The following UBE2E3 variants were observed in gnomAD, a reference collection of about 807,000 sequenced individuals.
UBE2E3 encodes the protein ubiquitin conjugating enzyme E2 E3, also known as ubiquitin-conjugating enzyme E2 E3.
In UBE2E3, 5 loss-of-function variants were observed where a neutral mutation model predicts 23.6. That is an observed-to-expected ratio of 0.21 (90% CI 0.11 to 0.44). The LOEUF is 0.44. Ranked by LOEUF, UBE2E3 falls within the 20% of genes least tolerant of loss-of-function variation. The probability of loss-of-function intolerance (pLI) is 0.99; values close to 1 mark genes in which losing one functional copy is unlikely to be tolerated. For missense variants in UBE2E3, 81 were observed against 249.8 expected, an observed-to-expected ratio of 0.32 and a Z score of 4.55; for synonymous variants, 78 against 87.5, an observed-to-expected ratio of 0.89 and a Z score of 0.60.
At chr2:181,000,241 A>T (rs1326440230) in intron 3 of UBE2E3, among the ~76,000 whole-genome samples, 2 of 152,244 alleles carry the variant, frequency 1.3e-5, no homozygotes, top group Non-Finnish European at 2.9e-5. Context: ...TTTCTACAAC[A>T]TGGGGTTAAG....
At chr2:181,038,581 A>G (rs1686374234) in intron 3 of UBE2E3, among the ~76,000 whole-genome samples, 1 of 152,240 alleles carries the variant, frequency 6.6e-6, no homozygotes, top group Admixed American at 6.5e-5. Context: ...TCTTAGGACA[A>G]AAGCAAGAAA....
At chr2:180,986,563 G>C (rs139521543) in intron 3 of UBE2E3, among the ~76,000 whole-genome samples, 1,720 of 152,148 alleles carry the variant, frequency 0.011, 32 homozygotes, top group African/African-American at 0.039. Context: ...GAGAATTTTA[G>C]CTTTACGGTG....
intron 3 of UBE2E3, among the ~76,000 whole-genome samples, chr2:180,985,466 AT>A (rs1250442695): frequency 6.6e-6 from 1 of 152,168 alleles, no homozygotes; most frequent in African/African-American, 2.4e-5. Flanking sequence ...TTTTGGATAT[AT>A]TTGGCTATAT....
intron 3 of UBE2E3, among the ~76,000 whole-genome samples, chr2:181,038,377 A>G (rs1407199202): frequency 6.6e-6 from 1 of 152,174 alleles, no homozygotes; most frequent in African/African-American, 2.4e-5. Context: ...ATACGCTATG[A>G]TGTTTGAAAA....
At chr2:181,061,638 C>T (rs13395974) in intron 5 of UBE2E3, among the ~76,000 whole-genome samples, 242 of 151,562 alleles carry the variant, frequency 1.6e-3, no homozygotes, top group African/African-American at 5.4e-3. Flanking sequence ...ATTATATAAC[C>T]TCAGATAAAA....
chr2:181,002,403 T>C (rs965315721), intron 3 of UBE2E3, among the ~76,000 whole-genome samples: 4 of 152,200 alleles, frequency 2.6e-5, no homozygotes, highest in African/African-American at 9.6e-5. Context: ...ATGTTTAAGC[T>C]GGCAGATACC....
intron 3 of UBE2E3, among the ~76,000 whole-genome samples, chr2:181,037,589 A>AT: frequency 6.6e-6 from 1 of 152,286 alleles, no homozygotes; most frequent in Non-Finnish European, 1.5e-5. Context: ...AAAGGAAAAT[A>AT]TTTTTGTACA....
intron 3 of UBE2E3, among the ~76,000 whole-genome samples, chr2:181,025,600 G>A (rs971733883): frequency 9.9e-5 from 15 of 151,768 alleles, no homozygotes; most frequent in Admixed American, 2.0e-4. Context: ...ACATTTAAAT[G>A]ACCATCGTCC....
At chr2:181,030,005 T>A (rs1483494237) in intron 3 of UBE2E3, among the ~76,000 whole-genome samples, 1 of 152,026 alleles carries the variant, frequency 6.6e-6, no homozygotes. Context: ...GGCTAATTTT[T>A]GTATTTTTAG....
At chr2:181,040,809 C>T (rs961037040) in intron 3 of UBE2E3, among the ~76,000 whole-genome samples, 1 of 152,062 alleles carries the variant, frequency 6.6e-6, no homozygotes, top group African/African-American at 2.4e-5. Context: ...AATCATTCTC[C>T]TTGCTGTCAT....
chr2:181,036,737 T>C (rs943419972), intron 3 of UBE2E3, among the ~76,000 whole-genome samples: 5 of 152,228 alleles, frequency 3.3e-5, no homozygotes, highest in African/African-American at 1.2e-4. Context: ...TAACTTGTTT[T>C]TTATTAACTT....
At chr2:180,980,550 A>T (rs1684235692), upstream of UBE2E3, 2 of 147,490 alleles carry the variant, frequency 1.4e-5, no homozygotes, top group Admixed American at 1.3e-4. This position sits in a 1 kb window ranked among gnomAD's most constrained non-coding sequence, Gnocchi z 5.5. Flanking sequence ...CCGCCAGGCA[A>T]GCAGCGAGCA....
At chr2:180,981,763 CAATT>C (rs1684299991) in intron 1 of UBE2E3, among the ~76,000 whole-genome samples, 1 of 152,196 alleles carries the variant, frequency 6.6e-6, no homozygotes, top group Admixed American at 6.5e-5. Context: ...AGAAAGTAGA[CAATT>C]GATAGATTGT....
intron 3 of UBE2E3, among the ~76,000 whole-genome samples, chr2:181,011,878 A>G (rs1434547300): frequency 6.6e-6 from 1 of 152,182 alleles, no homozygotes; most frequent in Non-Finnish European, 1.5e-5. Context: ...CAGTTACTTA[A>G]TTTCACTTTA....
chr2:181,041,127 A>C (rs1029712732), intron 3 of UBE2E3, among the ~76,000 whole-genome samples: 3 of 148,442 alleles, frequency 2.0e-5, no homozygotes, highest in African/African-American at 7.4e-5. Flanking sequence ...ACGTGCCTGT[A>C]GTCCCAGCTA....
intron 2 of UBE2E3, among the ~76,000 whole-genome samples, chr2:180,983,741 T>A (rs1324323793): frequency 1.3e-5 from 2 of 152,230 alleles, no homozygotes; most frequent in African/African-American, 2.4e-5. Context: ...AGAATTTCTT[T>A]GGTAAAAAGT....
chr2:181,033,346 A>T (rs890729559), intron 3 of UBE2E3, among the ~76,000 whole-genome samples: 7 of 152,202 alleles, frequency 4.6e-5, no homozygotes, highest in Non-Finnish European at 7.3e-5. Context: ...AGACCAATGG[A>T]ACAGAACAGA....
At chr2:180,999,797 C>T (rs372168905) in intron 3 of UBE2E3, among the ~76,000 whole-genome samples, 1 of 152,150 alleles carries the variant, frequency 6.6e-6, no homozygotes, top group Admixed American at 6.5e-5. Flanking sequence ...GTTATCTCCT[C>T]TGATTCTCAG....
Position 180,980,880 on chromosome 2 carries a change from C to G in UBE2E3, c.-119C>G, listed in dbSNP as rs1213089253. ...TTTTCCCTCCCCCCCCTTCCCCCCC[C>G]CACAGCTGCCTCCATTTCCTTAAGG... On this transcript the variant is annotated 5_prime_UTR_variant, in exon 1 of 6. Coordinates refer to ENST00000410062, the MANE Select transcript of UBE2E3 (RefSeq NM_006357.4). The surrounding 1 kb of genome is among the most constrained non-coding windows in gnomAD (Gnocchi z 5.5). 1 of 150,002 alleles carries G rather than the reference C, an allele frequency of 6.7e-6. No individual in the cohort carries two copies. The highest frequency in any genetic ancestry group is 1.5e-5 in the Non-Finnish European group (1 of 67,210). The allele number at this position is 150,002 out of a possible 1,614,324, so 9.3% of individuals were successfully genotyped here. A position where few individuals can be genotyped will look rare whatever the true frequency, so the allele number is the denominator to read the frequency against.
Sources: allele counts gnomAD v4.1 joint callset (sites outside exome capture counted in the v4.1 genomes callset), GRCh38; gene constraint gnomAD v4.1.1; non-coding constraint Gnocchi (gnomAD v3.1); transcripts MANE v1.5; gene names NCBI Gene and HGNC (gene_info 2026-07-23, HGNC 2026-07-21).